Variants in VWA8 observed in about 807,000 individuals in gnomAD.
The protein encoded by VWA8 is von Willebrand factor A domain containing 8, also known as von Willebrand factor A domain-containing protein 8.
In VWA8, 221 loss-of-function variants were observed where a neutral mutation model predicts 241.5. The ratio of observed to expected loss-of-function variants is 0.91; its 90% CI spans 0.82 to 1.02. The LOEUF (loss-of-function observed/expected upper bound fraction) is 1.02, where lower values mean the gene tolerates loss of function less well. Among genes scored for constraint, VWA8 ranks in the 50% least tolerant of loss-of-function variants. VWA8 has a pLI of 0.00. For synonymous variants in VWA8, 852 were observed against 827.1 expected (o/e 1.03, Z -0.52); for missense variants, 2,322 against 2,328.7 (o/e 1.00, Z 0.06).
At chr13:41,894,525 G>A (rs1343848945) in intron 4 of VWA8, among the ~76,000 whole-genome samples, 4 of 152,158 alleles carry the variant, frequency 2.6e-5, no homozygotes, top group Non-Finnish European at 5.9e-5. Context: ...TACTACTAAC[G>A]AATGATAGAA....
At chr13:41,933,270 G>T (rs762831295) in intron 2 of VWA8, among the ~76,000 whole-genome samples, 1 of 151,862 alleles carries the variant, frequency 6.6e-6, no homozygotes, top group Non-Finnish European at 1.5e-5. Flanking sequence ...ACATATGCAA[G>T]ACCTGTACAC....
chr13:41,950,611 G>A (rs1878086334), intron 1 of VWA8, among the ~76,000 whole-genome samples: 2 of 149,746 alleles, frequency 1.3e-5, no homozygotes, highest in African/African-American at 4.9e-5. Context: ...CTCGTGATCT[G>A]CCCGCCTTGG....
In VWA8 at chr13:41,590,685, A is replaced by G. The variant is rs1170905312; in HGVS notation, c.5067T>C (p.Thr1689=). 2 of 1,614,094 alleles carry G rather than the reference A, an allele frequency of 1.2e-6. No homozygotes were observed. Among genetic ancestry groups the G allele is most frequent in the South Asian group, 1.1e-5 (1 of 91,078 alleles). ...LDDAKIIDGL[T]GEKAIYKRRG... is the part of the protein sequence containing the mutation. ...GACGTTTGTAGATGGCTTTTTCTCC[A>G]GTCAGCCCATCAATGATCTTGGCAT... The change falls in exon 41 of 45, where the codon ACT becomes ACC. Residue 1689 remains threonine, a synonymous_variant. Transcript: ENST00000379310.
At chr13:41,953,572 G>A (rs1046195953) in intron 1 of VWA8, among the ~76,000 whole-genome samples, 9 of 152,156 alleles carry the variant, frequency 5.9e-5, no homozygotes, top group Non-Finnish European at 7.4e-5. Flanking sequence ...TTGGGAGGCC[G>A]AGGTGGGTGG....
chr13:41,681,439 G>A (rs115465267), intron 35 of VWA8, among the ~76,000 whole-genome samples: 1 of 151,902 alleles, frequency 6.6e-6, no homozygotes, highest in African/African-American at 2.4e-5. Flanking sequence ...GAAAAAAACA[G>A]ACCAAGTTGC....
chr13:41,602,285 G>A (rs183228184), intron 40 of VWA8, among the ~76,000 whole-genome samples: 1 of 152,222 alleles, frequency 6.6e-6, no homozygotes, highest in African/African-American at 2.4e-5. Flanking sequence ...GTATATGTAA[G>A]CATATGCTTT....
rs781092993 is a variant in VWA8 at position 41,570,491 on chromosome 13, G to A, written c.5586C>T (p.Gly1862=). 5 of 1,613,996 alleles carry A rather than the reference G, an allele frequency of 3.1e-6. No homozygotes were observed. In the African/African-American group the frequency reaches 5.3e-5, roughly 17 times the overall value. The part of the protein sequence containing the change: ...PQVNAFAIFI[G]SLGDQATRLQ... ...ACCTGGTTGCTTGATCACCTAAAGA[G>A]CCAATAAAAATGGCAAAAGCATTTA... Residue 1862 remains glycine, a synonymous_variant, in exon 44 of 45, where the codon GGC becomes GGT. Coordinates refer to ENST00000379310, the MANE Select transcript of VWA8 (RefSeq NM_015058.2).
At chr13:41,787,193 A>G in intron 18 of VWA8, among the ~76,000 whole-genome samples, 1 of 145,222 alleles carries the variant, frequency 6.9e-6, no homozygotes, top group Non-Finnish European at 1.5e-5. Context: ...ATCAATTGTG[A>G]GTCTTAAGGG....
intron 2 of VWA8, among the ~76,000 whole-genome samples, chr13:41,918,846 G>C (rs149815347): frequency 2.4e-4 from 37 of 152,062 alleles, no homozygotes; most frequent in African/African-American, 8.2e-4. Context: ...TAAAACACTA[G>C]ATACGTTTCA....
chr13:41,925,992 C>A, intron 2 of VWA8: 1 of 395,212 alleles, frequency 2.5e-6, no homozygotes, highest in Admixed American at 3.1e-5. Context: ...AGGTAGGATC[C>A]ATGCTAAAAG....
chr13:41,637,418 T>TG (rs1371755697), intron 37 of VWA8, among the ~76,000 whole-genome samples: 1 of 58,988 alleles, frequency 1.7e-5, no homozygotes, highest in Non-Finnish European at 3.0e-5. Context: ...TGTTGTGGGG[T>TG]GGGGGGAGGG....
intron 9 of VWA8, among the ~76,000 whole-genome samples, chr13:41,879,382 T>TACACACAC (rs3073827): frequency 8.5e-5 from 12 of 140,890 alleles, no homozygotes; most frequent in Middle Eastern, 3.6e-3. Context: ...CATACACACA[T>TACACACAC]ACACACACAC....
At chr13:41,790,311 G>C (rs963549893) in intron 17 of VWA8, among the ~76,000 whole-genome samples, 1 of 151,988 alleles carries the variant, frequency 6.6e-6, no homozygotes, top group Non-Finnish European at 1.5e-5. Context: ...TGATTAGTTC[G>C]ATCAGACTTG....
intron 14 of VWA8, among the ~76,000 whole-genome samples, chr13:41,822,362 A>G (rs1870995996): frequency 1.3e-5 from 2 of 152,192 alleles, no homozygotes; most frequent in Admixed American, 1.3e-4. Flanking sequence ...TACAATACTA[A>G]TGTTCCAATT....
At position 41,703,287 on chromosome 13, in the gene VWA8, T is replaced by A; in HGVS notation, c.3225+16A>T. On this transcript the variant is annotated intron_variant, in intron 27 of 44. Coordinates refer to ENST00000379310, the MANE Select transcript of VWA8 (RefSeq NM_015058.2). ...TAAGGTTCAATATTTTAAGAGAGAATAATGATGATATCAACCTTTATGTCT... is the reference window on the plus strand; with the variant it reads ...TAAGGTTCAATATTTTAAGAGAGAAAAATGATGATATCAACCTTTATGTCT... 6.3e-7 allele frequency: 1 copy of A among 1,597,390 alleles called. No homozygotes were observed. The highest frequency in any genetic ancestry group is 8.6e-7 in the Non-Finnish European group (1 of 1,165,206).
At chr13:41,777,923 T>C (rs1295222348) in intron 20 of VWA8, 62 bp downstream of exon 20, 2 of 1,387,542 alleles carry the variant, frequency 1.4e-6, no homozygotes, top group Non-Finnish European at 2.0e-6. Flanking sequence ...AGAAGAAACT[T>C]ACTGCTTTTA....
chr13:41,720,733 G>A (rs548531627), intron 25 of VWA8, among the ~76,000 whole-genome samples: 8 of 152,046 alleles, frequency 5.3e-5, no homozygotes, highest in Non-Finnish European at 1.0e-4. Context: ...TTTCTTTCTA[G>A]GGTTTTCTTG....
intron 40 of VWA8, among the ~76,000 whole-genome samples, chr13:41,592,029 C>A (rs78568621): frequency 0.3 from 44,078 of 146,442 alleles, 6,723 homozygotes; most frequent in Non-Finnish European, 0.38. Context: ...ATGTTTATTG[C>A]GGCACTATTC....
intron 43 of VWA8, among the ~76,000 whole-genome samples, chr13:41,571,881 G>GC: frequency 6.6e-6 from 1 of 152,014 alleles, no homozygotes; most frequent in Admixed American, 6.5e-5. Flanking sequence ...CTTCCCGGCC[G>GC]CCATCCTGTC....
Sources: allele counts gnomAD v4.1 joint callset (sites outside exome capture counted in the v4.1 genomes callset), GRCh38; gene constraint gnomAD v4.1.1; transcripts MANE v1.5; gene names NCBI Gene and HGNC (gene_info 2026-07-23, HGNC 2026-07-21).